The following TAFA4 variants were observed in gnomAD, a reference collection of about 807,000 sequenced individuals.
TAFA4 encodes the protein chemokine-like protein TAFA-4.
Under a neutral mutation model 21.1 loss-of-function variants are expected in TAFA4, and 20 were observed. The observed-to-expected ratio is 0.95, with a 90% CI of 0.67 to 1.38. The LOEUF is 1.38. TAFA4 is among the 40% of genes most tolerant of loss of function. The pLI is 0.00. For synonymous variants in TAFA4, 71 were observed against 67.4 expected, an observed-to-expected ratio of 1.05 and a Z score of -0.26; for missense variants, 211 against 180.9, an observed-to-expected ratio of 1.17 and a Z score of -0.95.
chr3:68,900,064 C>G (rs920800434), intron 1 of TAFA4, among the ~76,000 whole-genome samples: 8 of 130,548 alleles, frequency 6.1e-5, no homozygotes, highest in African/African-American at 2.3e-4. Flanking sequence ...CATGGCAAAA[C>G]CCTGTCTCTA....
intron 3 of TAFA4, among the ~76,000 whole-genome samples, chr3:68,844,295 T>A (rs1468224827): frequency 6.6e-6 from 1 of 152,194 alleles, no homozygotes; most frequent in East Asian, 1.9e-4. Context: ...ATTTTCTAGT[T>A]TATTTGCATA....
chr3:68,734,431 A>G (rs568176533), intron 5 of TAFA4, among the ~76,000 whole-genome samples: 2 of 152,094 alleles, frequency 1.3e-5, no homozygotes, highest in Non-Finnish European at 2.9e-5. Context: ...GGGAGGGTAG[A>G]GGGCCGCTCT....
intron 3 of TAFA4, among the ~76,000 whole-genome samples, chr3:68,869,934 T>C (rs1409069841): frequency 1.3e-5 from 2 of 152,034 alleles, no homozygotes; most frequent in Non-Finnish European, 2.9e-5. Flanking sequence ...TGTTCATAGA[T>C]GACATGACAT....
intron 1 of TAFA4, among the ~76,000 whole-genome samples, chr3:68,892,863 AT>A (rs2089744044): frequency 6.6e-6 from 1 of 152,360 alleles, no homozygotes; most frequent in East Asian, 1.9e-4. Flanking sequence ...GTAATAATGA[AT>A]AACTGAGATC....
chr3:68,789,201 A>G (rs1703319227), intron 3 of TAFA4, among the ~76,000 whole-genome samples: 1 of 151,336 alleles, frequency 6.6e-6, no homozygotes, highest in Non-Finnish European at 1.5e-5. Flanking sequence ...ACTGCACTCC[A>G]GCCTGGGCGA....
At chr3:68,815,819 T>C (rs1460091450) in intron 3 of TAFA4, among the ~76,000 whole-genome samples, 4 of 152,186 alleles carry the variant, frequency 2.6e-5, no homozygotes, top group African/African-American at 4.8e-5. Context: ...ACTGGGTATA[T>C]ACCCAAAGGA....
At chr3:68,842,409 A>G (rs888280803) in intron 3 of TAFA4, among the ~76,000 whole-genome samples, 4 of 152,098 alleles carry the variant, frequency 2.6e-5, no homozygotes, top group African/African-American at 9.7e-5. Flanking sequence ...ATTCTTGTAA[A>G]TTTGTTTAAG....
At chr3:68,764,345 T>G (rs140502920) in intron 3 of TAFA4, among the ~76,000 whole-genome samples, 54 of 152,264 alleles carry the variant, frequency 3.5e-4, no homozygotes, top group African/African-American at 1.3e-3. Flanking sequence ...GATCAACAAC[T>G]TCTTGAAGTT....
chr3:68,837,213 G>A (rs1418878740), intron 3 of TAFA4, among the ~76,000 whole-genome samples: 2 of 152,176 alleles, frequency 1.3e-5, no homozygotes, highest in African/African-American at 4.8e-5. Context: ...CTAATCTCTT[G>A]CTATGCTAAA....
intron 3 of TAFA4, among the ~76,000 whole-genome samples, chr3:68,795,346 C>A (rs1439411304): frequency 6.6e-6 from 1 of 151,828 alleles, no homozygotes; most frequent in African/African-American, 2.4e-5. Context: ...TAATAAAACA[C>A]CCTTCCCCCA....
chr3:68,872,441 T>TA (rs1049668209), intron 3 of TAFA4, among the ~76,000 whole-genome samples: 11 of 151,856 alleles, frequency 7.2e-5, no homozygotes, highest in South Asian at 2.1e-4. Flanking sequence ...GTTAATAGTT[T>TA]AAAAAAATGC....
At chr3:68,886,175 C>G (rs754792580) in intron 1 of TAFA4, among the ~76,000 whole-genome samples, 3 of 152,188 alleles carry the variant, frequency 2.0e-5, no homozygotes, top group Non-Finnish European at 4.4e-5. Flanking sequence ...GAATCCACCA[C>G]CAAGCACAAC....
intron 3 of TAFA4, among the ~76,000 whole-genome samples, chr3:68,821,709 G>A (rs1215384067): frequency 6.6e-6 from 1 of 151,772 alleles, no homozygotes; most frequent in East Asian, 1.9e-4. Context: ...AAACACCACT[G>A]CTACCCTGGA....
intron 3 of TAFA4, among the ~76,000 whole-genome samples, chr3:68,757,083 G>C (rs977237162): frequency 6.6e-6 from 1 of 152,092 alleles, no homozygotes; most frequent in Non-Finnish European, 1.5e-5. Context: ...CAGTCTGCTT[G>C]GGCTGCCATA....
intron 1 of TAFA4, among the ~76,000 whole-genome samples, chr3:68,904,712 T>C (rs1223501989): frequency 2.6e-5 from 4 of 152,212 alleles, no homozygotes; most frequent in Admixed American, 6.5e-5. Context: ...AGCATAGAGA[T>C]GCTCCCAGAA....
intron 3 of TAFA4, among the ~76,000 whole-genome samples, chr3:68,768,044 C>CT (rs1269359921): frequency 6.6e-6 from 1 of 152,042 alleles, no homozygotes; most frequent in African/African-American, 2.4e-5. Context: ...AGAATACTGA[C>CT]TAACAATTGT....
intron 3 of TAFA4, among the ~76,000 whole-genome samples, chr3:68,784,001 G>A (rs1703204122): frequency 6.6e-6 from 1 of 152,190 alleles, no homozygotes; most frequent in Non-Finnish European, 1.5e-5. Flanking sequence ...CAAGACAGAT[G>A]CAGCTATTTT....
intron 3 of TAFA4, among the ~76,000 whole-genome samples, chr3:68,753,353 T>TTTTGG (rs1702596907): frequency 6.7e-6 from 1 of 150,122 alleles, no homozygotes; most frequent in African/African-American, 2.5e-5. Flanking sequence ...TTTTTTTTTT[T>TTTTGG]GAGAGAGAAT....
intron 3 of TAFA4, among the ~76,000 whole-genome samples, chr3:68,791,862 C>A (rs1238783949): frequency 1.3e-5 from 2 of 152,178 alleles, no homozygotes; most frequent in East Asian, 3.9e-4. Context: ...GAAATTAGAA[C>A]CTTGATGTGG....
Sources: gnomAD v4.1 joint callset for allele counts (sites outside exome capture counted in the v4.1 genomes callset) on GRCh38, gnomAD v4.1.1 for gene constraint, MANE v1.5 for transcripts, NCBI Gene and HGNC (gene_info 2026-07-23, HGNC 2026-07-21) for gene names.